The following UNC80 variants were observed in gnomAD, a reference collection of about 807,000 sequenced individuals.
UNC80 encodes the protein protein unc-80 homolog.
Under a neutral mutation model 384.6 loss-of-function variants are expected in UNC80, and 164 were observed. The ratio of observed to expected loss-of-function variants is 0.43; its 90% CI spans 0.38 to 0.49. The LOEUF is 0.49. Among genes scored for constraint, UNC80 ranks in the 20% least tolerant of loss-of-function variants. The pLI, the probability that UNC80 is intolerant of heterozygous loss-of-function variation, is 0.00. For synonymous variants in UNC80, 1,486 were observed against 1,527.8 expected (o/e 0.97, Z 0.64); for missense variants, 3,330 against 4,143.0 (o/e 0.80, Z 5.39).
intron 35 of UNC80, among the ~76,000 whole-genome samples, chr2:209,925,358 G>A (rs894993226): frequency 6.6e-6 from 1 of 152,098 alleles, no homozygotes; most frequent in African/African-American, 2.4e-5. Flanking sequence ...CTGACTTCAA[G>A]AATGAAGCCG....
At chr2:209,871,579 A>G (rs1343275214) in intron 22 of UNC80, among the ~76,000 whole-genome samples, 2 of 152,172 alleles carry the variant, frequency 1.3e-5, no homozygotes, top group Admixed American at 6.5e-5. Flanking sequence ...ACCTATGGTT[A>G]TTAGTAACCC....
chr2:209,989,608 G>C (rs2093355146), intron 61 of UNC80, among the ~76,000 whole-genome samples: 1 of 152,120 alleles, frequency 6.6e-6, no homozygotes, highest in African/African-American at 2.4e-5. Flanking sequence ...ACTATGGTGG[G>C]ACTGTTTCAA....
Position 209,777,547 on chromosome 2 carries a change from A to ATCC in UNC80, c.588_589insTCC (p.Val196_His197insSer). On this transcript the variant is annotated inframe_insertion, in exon 4 of 65. Transcript: ENST00000673920. ...TCGTGTTTCTGTTTGCTCCCCTGGT[A>ATCC]CACAGGATCAAGGTAAGCAGAAACC... 6.2e-7 allele frequency: 1 copy of ATCC among 1,609,442 alleles called. No homozygotes were observed. Among genetic ancestry groups the ATCC allele is most frequent in the Non-Finnish European group, 8.5e-7 (1 of 1,177,452 alleles).
chr2:209,823,309 G>A (rs1479866421), intron 13 of UNC80, among the ~76,000 whole-genome samples: 1 of 152,172 alleles, frequency 6.6e-6, no homozygotes, highest in Non-Finnish European at 1.5e-5. Context: ...TTTACAAAGA[G>A]CTTCCAGAGC....
rs1360981105 is a variant in UNC80 at position 209,972,304 on chromosome 2, C to G, written c.8360C>G (p.Thr2787Arg). Reference sequence around the variant, plus strand: ...AATCTGCTCATCCCATTTGTGCTCACAGTAGGATCTGGAAGCAAAGGTCTG... The same window carrying G: ...AATCTGCTCATCCCATTTGTGCTCAGAGTAGGATCTGGAAGCAAAGGTCTG... ...LLNLLIPFVL[T>R]VGSGSKDSPW... Residue 2787 changes from threonine (T) to arginine (R), a missense_variant, in exon 55 of 65, where the codon ACA (threonine) becomes AGA (arginine). This residue lies in a region of UNC80 where 1,049 missense variants were observed against 1,488.6 expected (regional missense o/e 0.70). Coordinates refer to ENST00000673920, the MANE Select transcript of UNC80 (RefSeq NM_001371986.1). 1.3e-6 allele frequency: 2 copies of G among 1,551,544 alleles called. No homozygotes were observed. Among genetic ancestry groups the G allele is most frequent in the Admixed American group, 2.0e-5 (1 of 50,962 alleles).
At position 209,833,995 on chromosome 2, in the gene UNC80, C is replaced by T. The variant is rs1407808825; in HGVS notation, c.2776-7C>T. 5 of 1,548,592 alleles carry T rather than the reference C, an allele frequency of 3.2e-6. No homozygotes were observed. The highest frequency in any genetic ancestry group is 2.6e-6 in the Non-Finnish European group (3 of 1,146,122). ...CTTTCTCCAACTTCCTTCTTGCCTC[C>T]AAACAGGGACTGTATTGTGACATTC... On this transcript the variant is annotated splice_region_variant and splice_polypyrimidine_tract_variant and intron_variant, in intron 16 of 64. Transcript: ENST00000673920.
At position 209,879,015 on chromosome 2, in the gene UNC80, C is replaced by T. The variant is rs539274501; in HGVS notation, c.3976+926C>T. Among the ~76,000 whole-genome samples the T allele has an allele frequency of 1.6e-3, 238 of 152,166 alleles. 1 individual carries two copies. Among genetic ancestry groups the T allele is most frequent in the African/African-American group, 5.5e-3 (230 of 41,514 alleles). On this transcript the variant is annotated intron_variant, in intron 24 of 64. Coordinates refer to ENST00000673920, the MANE Select transcript of UNC80 (RefSeq NM_001371986.1). ...AATCAAAGAAAACTCTTATGATCTT[C>T]CTTTCCACGTTCCTTCCAAAGTTTT...
At chr2:209,912,936 C>A (rs2089118618) in intron 30 of UNC80, among the ~76,000 whole-genome samples, 1 of 152,208 alleles carries the variant, frequency 6.6e-6, no homozygotes, top group African/African-American at 2.4e-5. Context: ...GAGCTAACTT[C>A]CCACATGTGT....
At position 209,978,925 on chromosome 2, in the gene UNC80, G is replaced by A. The variant is rs549283134; in HGVS notation, c.9118+217G>A. On this transcript the variant is annotated intron_variant, in intron 59 of 64. Transcript: ENST00000673920. ...TTTGGTCATTTAAAAAGAATTCAGG[G>A]AAAAAGTAAATATGAATTTGAATAC... 2.1e-3 allele frequency among the ~76,000 whole-genome samples: 324 copies of A among 152,242 alleles called. 2 individuals are homozygous for A. Among genetic ancestry groups the A allele is most frequent in the African/African-American group, 6.4e-3 (268 of 41,558 alleles).
intron 59 of UNC80, among the ~76,000 whole-genome samples, chr2:209,981,977 G>A (rs1239976748): frequency 6.6e-6 from 1 of 152,182 alleles, no homozygotes; most frequent in Non-Finnish European, 1.5e-5. Flanking sequence ...GGAAGGGTGG[G>A]AGATGTATAG....
Position 209,945,887 on chromosome 2 carries a change from T to C in UNC80, c.7230T>C (p.Ser2410=). ...ACGAAGATCTGACATTTTCTATCAG[T>C]GAAGCCATTAAGCTCTGTGTCACTG... ...YGNEDLTFSI[S]EAIKLCVTVV... Residue 2410 remains serine, a synonymous_variant, in exon 47 of 65, where the codon AGT becomes AGC. Transcript: ENST00000673920. 2 of 1,552,058 alleles carry C rather than the reference T, an allele frequency of 1.3e-6. No homozygotes were observed. The highest frequency in any genetic ancestry group is 2.4e-5 in the East Asian group (1 of 40,916).
At position 209,976,484 on chromosome 2, in the gene UNC80, C is replaced by T. The variant is rs1410214194; in HGVS notation, c.8772+181C>T. 1.3e-5 allele frequency among the ~76,000 whole-genome samples: 2 copies of T among 152,106 alleles called. No individual in the cohort carries two copies. The highest frequency in any genetic ancestry group is 2.9e-5 in the Non-Finnish European group (2 of 68,036). ...TATATTCCAGAGGATAAAAATTTCA[C>T]ACTAGAAATGCCTTCACAGTAAGAG... On this transcript the variant is annotated intron_variant, in intron 57 of 64. Coordinates refer to ENST00000673920, the MANE Select transcript of UNC80 (RefSeq NM_001371986.1). The surrounding 1 kb of genome is among the most constrained non-coding windows in gnomAD (Gnocchi z 4.3).
At chr2:209,813,505 G>A (rs1045497992) in intron 7 of UNC80, 75 bp from the exon 8 acceptor site, 2 of 1,428,322 alleles carry the variant, frequency 1.4e-6, no homozygotes, top group Admixed American at 2.3e-5. Context: ...GAAAAGTAGA[G>A]CTATAAGCCA....
Position 209,786,057 on chromosome 2 carries a change from C to T in UNC80, c.601-9C>T, listed in dbSNP as rs1394159439. On this transcript the variant is annotated splice_polypyrimidine_tract_variant and intron_variant, in intron 4 of 64. Transcript: ENST00000673920. ...AGTTATTGGACATATATCTTCTCCT[C>T]CCCCCTAGGAATCTGACCTCACCTT... 2.5e-6 allele frequency: 4 copies of T among 1,611,594 alleles called. No individual in the cohort carries two copies. Among genetic ancestry groups the T allele is most frequent in the Admixed American group, 3.3e-5 (2 of 59,792 alleles).
chr2:209,961,202 GC>G (rs1350787785), intron 51 of UNC80: 1 of 152,124 alleles, frequency 6.6e-6, no homozygotes, highest in Non-Finnish European at 1.5e-5. Context: ...AGTCAGAGAG[GC>G]CTGGCGCTCC....
At position 209,973,963 on chromosome 2, in the gene UNC80, A is replaced by G. The variant is rs79931139; in HGVS notation, c.8587+693A>G. Among the ~76,000 whole-genome samples the G allele has an allele frequency of 1.5e-3, 223 of 152,022 alleles. 3 individuals are homozygous for G. The East Asian group carries it at 0.032, about 22-fold the overall frequency. ...TTGACTCCTACTTTCCCGTTATCCT[A>G]TGCTGCCTTTAACCTGGTCGTGACC... On this transcript the variant is annotated intron_variant, in intron 56 of 64. Transcript: ENST00000673920.
At chr2:209,798,860 T>C (rs2153826132) in intron 7 of UNC80, among the ~76,000 whole-genome samples, 1 of 147,448 alleles carries the variant, frequency 6.8e-6, no homozygotes, top group East Asian at 2.0e-4. Context: ...TTTTTTTTTT[T>C]TTCTTAGTAG....
At position 209,959,688 on chromosome 2, in the gene UNC80, G is replaced by T; in HGVS notation, c.7786G>T (p.Asp2596Tyr). Residue 2596 changes from aspartate (D) to tyrosine (Y), a missense_variant, in exon 51 of 65, where the codon GAT becomes TAT. Coordinates refer to ENST00000673920, the MANE Select transcript of UNC80 (RefSeq NM_001371986.1). ...TCGGGTCATTGCCTTGGAACTGCTG[G>T]ATGTGAAGTCTCACATGAGGTACTG... ...EPRVIALELL[D>Y]VKSHMRLAEI... 6.4e-7 allele frequency: 1 copy of T among 1,551,532 alleles called. No homozygotes were observed. Among genetic ancestry groups the T allele is most frequent in the Non-Finnish European group, 8.7e-7 (1 of 1,146,976 alleles).
At chr2:209,970,000 A>G (rs2092836923) in intron 53 of UNC80, 109 bp downstream of exon 53, 3 of 1,383,782 alleles carry the variant, frequency 2.2e-6, no homozygotes, top group East Asian at 2.5e-5. Flanking sequence ...CTATCTGCCC[A>G]TGAAAACAGA....
Sources: gnomAD v4.1 joint callset for allele counts (sites outside exome capture counted in the v4.1 genomes callset) on GRCh38, gnomAD v4.1.1 for gene constraint, gnomAD v4.1.1 regional missense constraint, Gnocchi (gnomAD v3.1) non-coding constraint, MANE v1.5 for transcripts, NCBI Gene and HGNC (gene_info 2026-07-23, HGNC 2026-07-21) for gene names.